The following ADCY6 variants were observed in gnomAD, a reference collection of about 807,000 sequenced individuals.
ADCY6 encodes adenylate cyclase type 6.
A neutral mutation model predicts 111.6 loss-of-function variants in ADCY6; 59 were observed. That is an observed-to-expected ratio of 0.53 (90% CI 0.43 to 0.66). The LOEUF (loss-of-function observed/expected upper bound fraction) is 0.66, where lower values mean the gene tolerates loss of function less well. ADCY6 is among the 30% of genes least tolerant of loss of function. The probability of loss-of-function intolerance (pLI) is 0.00; values close to 1 mark genes in which losing one functional copy is unlikely to be tolerated. For missense variants in ADCY6, 1,242 were observed against 1,595.6 expected, an observed-to-expected ratio of 0.78 and a Z score of 3.78; for synonymous variants, 576 against 642.9, an observed-to-expected ratio of 0.90 and a Z score of 1.57.
In ADCY6 at chr12:48,775,882, C is replaced by T. The variant is rs1043469770; in HGVS notation, c.1806+81G>A. The T allele has an allele frequency of 6.5e-6, 10 of 1,541,054 alleles. No individual in the cohort carries two copies. In the African/African-American group the frequency reaches 1.2e-4, roughly 19 times the overall value. On this transcript the variant is annotated intron_variant, in intron 9 of 21. Coordinates refer to ENST00000357869, the MANE Select transcript of ADCY6 (RefSeq NM_015270.5). Reference sequence around the variant, plus strand: ...AAAGCATACATGGAAATGGCAGTCACAAGAAAGGACAGGGTCAGGGACAGG... The same window carrying T: ...AAAGCATACATGGAAATGGCAGTCATAAGAAAGGACAGGGTCAGGGACAGG...
chr12:48,775,082 C>G (rs1941659903), intron 11 of ADCY6, 28 bp from the exon 12 acceptor site: 1 of 1,537,686 alleles, frequency 6.5e-7, no homozygotes, highest in Admixed American at 2.0e-5. Context: ...GAGCTGAGTG[C>G]TGGGCCCTCC....
chr12:48,774,456 G>C lies in ADCY6; in HGVS notation c.2229C>G (p.Thr743=). 1 of 1,613,962 alleles carries C rather than the reference G, an allele frequency of 6.2e-7. No homozygotes were observed. The highest frequency in any genetic ancestry group is 1.1e-5 in the South Asian group (1 of 91,064). The change falls in exon 14 of 22, where the codon ACC becomes ACG. Residue 743 remains threonine (T), a synonymous_variant. Coordinates refer to ENST00000357869, the MANE Select transcript of ADCY6 (RefSeq NM_015270.5). ...GCAGGACGGAAAAGATGCCAACTGC[G>C]GTGCTATGTGCCCGTGAGCGGACAA... is the stretch of plus-strand genomic sequence containing the variant. ...RSIVRSRAHS[T]AVGIFSVLLV...
At chr12:48,773,833 ACT>A in intron 15 of ADCY6, 105 bp downstream of exon 15, 5 of 1,493,532 alleles carry the variant, frequency 3.3e-6, no homozygotes, top group Non-Finnish European at 4.5e-6. Context: ...AGTGTGGGAG[ACT>A]CTGGTGAGTT....
At chr12:48,769,518 G>C (rs994773486) in intron 20 of ADCY6, among the ~76,000 whole-genome samples, 6 of 150,830 alleles carry the variant, frequency 4.0e-5, no homozygotes, top group African/African-American at 1.5e-4. Context: ...TGCTATAACA[G>C]TAATCTCCTG....
chr12:48,773,841 G>C, intron 15 of ADCY6, 99 bp downstream of exon 15: 1 of 1,509,634 alleles, frequency 6.6e-7, no homozygotes, highest in Non-Finnish European at 9.0e-7. Flanking sequence ...AGACTCTGGT[G>C]AGTTCCTGGG....
At chr12:48,770,404 C>T (rs547122593) in intron 20 of ADCY6, among the ~76,000 whole-genome samples, 130 of 152,224 alleles carry the variant, frequency 8.5e-4, no homozygotes, top group African/African-American at 2.8e-3. Flanking sequence ...GAGGAAATAC[C>T]TCTTATTGGA....
chr12:48,784,267 A>T lies in ADCY6; in HGVS notation c.-4-829T>A, dbSNP rs564101478. The T allele has an allele frequency of 1.5e-4, 23 of 149,288 alleles. No individual in the cohort carries two copies. The South Asian group carries it at 3.3e-3, about 21-fold the overall frequency. The allele number at this position is 149,288 out of a possible 1,614,324, so 9.2% of individuals were successfully genotyped here. Reference sequence around the variant, plus strand: ...AAAAAAAAAAAAAAGGAAGGAAGGAAAAAAGGAGGGAGGGAGGGAGAGAGG... The same window carrying T: ...AAAAAAAAAAAAAAGGAAGGAAGGATAAAAGGAGGGAGGGAGGGAGAGAGG... On this transcript the variant is annotated intron_variant, in intron 1 of 21. Transcript: ENST00000357869.
chr12:48,772,388 G>A lies in ADCY6; in HGVS notation c.2694C>T (p.Thr898=), dbSNP rs776834408. ...GCGCAAACACCAGCAGAATCACAGG[G>A]GTCATATATTTGAGGGCCACCCTCC... The part of the protein sequence containing the change: ...AAGRVALKYM[T]PVILLVFALA... Residue 898 remains threonine (T), a synonymous_variant, in exon 18 of 22, where the codon ACC becomes ACT. Coordinates refer to ENST00000357869, the MANE Select transcript of ADCY6 (RefSeq NM_015270.5). 37 of 1,614,088 alleles carry A rather than the reference G, an allele frequency of 2.3e-5. No homozygotes were observed. The highest frequency in any genetic ancestry group is 4.5e-5 in the East Asian group (2 of 44,904).
In ADCY6 at chr12:48,775,778, C is replaced by G. The variant is rs938455321; in HGVS notation, c.1807-80G>C. 2.6e-6 allele frequency: 4 copies of G among 1,554,754 alleles called. No homozygotes were observed. In the African/African-American group the frequency reaches 5.4e-5, roughly 21 times the overall value. The stretch of plus-strand genomic sequence containing the variant: ...TGCAGCTCCTTCCCCCACCCCAACA[C>G]TGTGCTGAGGGTGTCCCCGTCATAT... On this transcript the variant is annotated intron_variant, in intron 9 of 21. Transcript: ENST00000357869.
intron 1 of ADCY6, among the ~76,000 whole-genome samples, chr12:48,787,412 C>A (rs1223998459): frequency 6.6e-6 from 1 of 151,608 alleles, no homozygotes; most frequent in African/African-American, 2.4e-5. Context: ...ACACTCTGAC[C>A]CCCCCCAAGG....
In ADCY6 at chr12:48,768,946, G is replaced by A. The variant is rs891445918; in HGVS notation, c.3372C>T (p.Asp1124=). Residue 1124 remains aspartate (D), a synonymous_variant, in exon 21 of 22, where the codon GAC becomes GAT. Coordinates refer to ENST00000357869, the MANE Select transcript of ADCY6 (RefSeq NM_015270.5). ...SSRMDSTGVP[D]RIQVTTDLYQ... ...CTCATATCCCCCTCACCTGGATTCG[G>A]TCGGGGACCCCCGTGCTGTCCATAC... The A allele has an allele frequency of 5.6e-6, 9 of 1,611,570 alleles. No individual in the cohort carries two copies. The highest frequency in any genetic ancestry group is 6.8e-6 in the Non-Finnish European group (8 of 1,178,960).
intron 2 of ADCY6, among the ~76,000 whole-genome samples, chr12:48,781,215 C>T (rs868398468): frequency 1.3e-5 from 2 of 149,462 alleles, no homozygotes; most frequent in East Asian, 1.9e-4. Context: ...AAAAAAAAAA[C>T]CACAAAAAAA....
chr12:48,768,951 G>A lies in ADCY6; in HGVS notation c.3367C>T (p.Pro1123Ser), dbSNP rs1205289297. 1 of 1,612,096 alleles carries A rather than the reference G, an allele frequency of 6.2e-7. No individual in the cohort carries two copies. Among genetic ancestry groups the A allele is most frequent in the Non-Finnish European group, 8.5e-7 (1 of 1,179,172 alleles). ...ATCCCCCTCACCTGGATTCGGTCGG[G>A]GACCCCCGTGCTGTCCATACGACTA... ...VSSRMDSTGV[P>S]DRIQVTTDLY... The change falls in exon 21 of 22, where the codon CCC becomes TCC. Residue 1123 changes from proline (P) to serine (S), a missense_variant. This residue lies in a region of ADCY6 where 245 missense variants were observed against 371.3 expected (regional missense o/e 0.66). Transcript: ENST00000357869.
intron 21 of ADCY6, 56 bp downstream of exon 21, chr12:48,768,881 C>G: frequency 6.4e-7 from 1 of 1,569,290 alleles, no homozygotes; most frequent in Non-Finnish European, 8.7e-7. Flanking sequence ...GCAGAGACAC[C>G]TGTGGAAGCC....
At chr12:48,774,259 G>A in intron 14 of ADCY6, 143 bp downstream of exon 14, 1 of 1,071,832 alleles carries the variant, frequency 9.3e-7, no homozygotes, top group South Asian at 1.5e-5. Context: ...GAACAAGGAA[G>A]GAGAACCGGA....
intron 11 of ADCY6, 73 bp downstream of exon 11, chr12:48,775,230 C>A: frequency 6.3e-7 from 1 of 1,596,896 alleles, no homozygotes; most frequent in Non-Finnish European, 8.6e-7. Context: ...TGTGCCCTCA[C>A]CTGTGCTCAG....
In ADCY6 at chr12:48,777,515, C is replaced by G; in HGVS notation, c.1143G>C (p.Leu381=). The change falls in exon 5 of 22, where the codon CTG becomes CTC. Residue 381 remains leucine, a synonymous_variant. Transcript: ENST00000357869. This position sits in a 1 kb window ranked among gnomAD's most constrained non-coding sequence, Gnocchi z 4.9. ...YIQKHDNVSI[L]FADIEGFTSL... Reference sequence around the variant, plus strand: ...TGGTGAAGCCCTCAATGTCTGCAAACAGGATGCTGTAGATGACAGCAGAGG... The same window carrying G: ...TGGTGAAGCCCTCAATGTCTGCAAAGAGGATGCTGTAGATGACAGCAGAGG... 1 of 1,614,226 alleles carries G rather than the reference C, an allele frequency of 6.2e-7. No individual in the cohort carries two copies. Among genetic ancestry groups the G allele is most frequent in the Non-Finnish European group, 8.5e-7 (1 of 1,180,038 alleles).
intron 2 of ADCY6, 176 bp from the exon 3 acceptor site, chr12:48,778,433 C>T: frequency 1.5e-6 from 1 of 677,668 alleles, no homozygotes; most frequent in Non-Finnish European, 2.5e-6. Context: ...ACCCACAGGA[C>T]CCCAGATCCC....
chr12:48,772,807 G>GT (rs780232982), intron 16 of ADCY6, among the ~76,000 whole-genome samples: 1 of 152,160 alleles, frequency 6.6e-6, no homozygotes, highest in Non-Finnish European at 1.5e-5. Flanking sequence ...GTACAACAGG[G>GT]ATCAGATCTA....
Sources: allele counts gnomAD v4.1 joint callset (sites outside exome capture counted in the v4.1 genomes callset), GRCh38; gene constraint gnomAD v4.1.1; regional missense constraint gnomAD v4.1.1; non-coding constraint Gnocchi (gnomAD v3.1); transcripts MANE v1.5; gene names NCBI Gene and HGNC (gene_info 2026-07-23, HGNC 2026-07-21).